TRIM5: variants seen among roughly 807,000 people sequenced by gnomAD.
The protein encoded by TRIM5 is tripartite motif containing 5.
Under a neutral mutation model 35.6 loss-of-function variants are expected in TRIM5, and 31 were observed. That is an observed-to-expected ratio of 0.87 (90% CI 0.65 to 1.18). The LOEUF is 1.18. TRIM5 is among the 50% of genes most tolerant of loss of function. TRIM5 has a pLI of 0.00. For synonymous variants in TRIM5, 243 were observed against 215.6 expected (o/e 1.13, Z -1.11); for missense variants, 609 against 591.6 (o/e 1.03, Z -0.31).
the TRIM5 span, among the ~76,000 whole-genome samples, chr11:5,649,332 G>A: frequency 1.3e-5 from 2 of 152,150 alleles, no homozygotes; most frequent in Non-Finnish European, 2.9e-5. Context: ...ATTTCTACCT[G>A]ATGGAGTGAC....
chr11:5,643,230 C>G, the TRIM5 span: 1 of 1,613,060 alleles, frequency 6.2e-7, no homozygotes, highest in Non-Finnish European at 8.5e-7. Flanking sequence ...GCCAATTTGG[C>G]CTTTTCAGTG....
the TRIM5 span, among the ~76,000 whole-genome samples, chr11:5,634,369 A>G: frequency 6.6e-6 from 1 of 151,956 alleles, no homozygotes; most frequent in African/African-American, 2.4e-5. Context: ...AAAGGAAAAT[A>G]GTAGGAAAAA....
chr11:5,597,812 C>T, the TRIM5 span, among the ~76,000 whole-genome samples: 1 of 152,152 alleles, frequency 6.6e-6, no homozygotes, highest in Non-Finnish European at 1.5e-5. Flanking sequence ...TGTCCCCCTC[C>T]CTCTTCTAGC....
At chr11:5,661,949 T>C (rs748894079), downstream of TRIM5, among the ~76,000 whole-genome samples, 4 of 152,170 alleles carry the variant, frequency 2.6e-5, no homozygotes, top group Admixed American at 6.5e-5. Flanking sequence ...TTCCAGGAAA[T>C]GAAAAGGCAT....
At chr11:5,625,470 G>A in the TRIM5 span, among the ~76,000 whole-genome samples, 3 of 152,154 alleles carry the variant, frequency 2.0e-5, no homozygotes, top group South Asian at 2.1e-4. Context: ...TTGGTGAAAG[G>A]AGGTCTCTGT....
At chr11:5,652,359 G>A in the TRIM5 span, among the ~76,000 whole-genome samples, 3 of 152,124 alleles carry the variant, frequency 2.0e-5, no homozygotes, top group Non-Finnish European at 2.9e-5. Flanking sequence ...ATAAGGAAGG[G>A]GTCCAGTTTC....
At chr11:5,610,998 T>G in the TRIM5 span, 1 of 1,614,024 alleles carries the variant, frequency 6.2e-7, no homozygotes, top group African/African-American at 1.3e-5. Flanking sequence ...ATGCAGCAAT[T>G]CACTGGGACC....
At chr11:5,672,522 A>G (rs1851654653) in intron 4 of TRIM5, among the ~76,000 whole-genome samples, 1 of 152,134 alleles carries the variant, frequency 6.6e-6, no homozygotes, top group Non-Finnish European at 1.5e-5. Context: ...CTTCCCATAA[A>G]TATTTCTTCC....
intron 4 of TRIM5, among the ~76,000 whole-genome samples, chr11:5,674,324 C>T (rs1013632208): frequency 6.6e-6 from 1 of 152,174 alleles, no homozygotes; most frequent in Non-Finnish European, 1.5e-5. Flanking sequence ...TAAAACACCT[C>T]ACCAGAACTA....
chr11:5,589,459 G>A, the TRIM5 span: 1 of 151,994 alleles, frequency 6.6e-6, no homozygotes, highest in African/African-American at 2.4e-5. Flanking sequence ...TCATCTCTTT[G>A]TAAATTCATT....
chr11:5,655,979 C>T, the TRIM5 span, among the ~76,000 whole-genome samples: 1 of 152,168 alleles, frequency 6.6e-6, no homozygotes, highest in Non-Finnish European at 1.5e-5. Context: ...GGACCCCTTC[C>T]TTACACCTTA....
chr11:5,603,013 A>G, the TRIM5 span, among the ~76,000 whole-genome samples: 2 of 152,136 alleles, frequency 1.3e-5, no homozygotes, highest in African/African-American at 4.8e-5. Context: ...CCTCCTTTCC[A>G]GGGCCTCAGT....
the TRIM5 span, chr11:5,642,833 G>A: frequency 6.2e-7 from 1 of 1,613,926 alleles, no homozygotes; most frequent in Admixed American, 1.7e-5. Context: ...CAGCTGTCCG[G>A]TGCTACTGGG....
the TRIM5 span, among the ~76,000 whole-genome samples, chr11:5,599,115 CTTG>C: frequency 2.0e-5 from 3 of 152,196 alleles, no homozygotes; most frequent in African/African-American, 7.2e-5. Context: ...TGAGATTTAT[CTTG>C]TTGTATATAT....
chr11:5,639,238 A>C, the TRIM5 span, among the ~76,000 whole-genome samples: 1 of 152,148 alleles, frequency 6.6e-6, no homozygotes, highest in Non-Finnish European at 1.5e-5. Context: ...GCATTCATCA[A>C]AATTATAGTA....
Position 5,664,512 on chromosome 11 carries a change from G to A in TRIM5, c.*297C>T, listed in dbSNP as rs1022308168. Reference sequence around the variant, plus strand: ...TAGTCAGTGTCAGAGGCAATTGGGTGATAAATATCTGGCAGAAGTAATACC... The same window carrying A: ...TAGTCAGTGTCAGAGGCAATTGGGTAATAAATATCTGGCAGAAGTAATACC... On this transcript the variant is annotated 3_prime_UTR_variant, in exon 8 of 8. Coordinates refer to ENST00000380034, the MANE Select transcript of TRIM5 (RefSeq NM_033034.3). 1.4e-5 allele frequency: 15 copies of A among 1,093,110 alleles called. No individual in the cohort carries two copies. Among genetic ancestry groups the A allele is most frequent in the East Asian group, 5.7e-5 (1 of 17,452 alleles). 67.7% of individuals were successfully genotyped at this position (1,093,110 alleles called of 1,614,324 possible).
chr11:5,636,139 G>A, the TRIM5 span, among the ~76,000 whole-genome samples: 3 of 152,190 alleles, frequency 2.0e-5, no homozygotes, highest in African/African-American at 7.2e-5. Context: ...TCCTTAAACT[G>A]ATGATTGGAT....
chr11:5,632,260 C>T, the TRIM5 span: 7 of 1,603,722 alleles, frequency 4.4e-6, no homozygotes, highest in Non-Finnish European at 6.0e-6. Flanking sequence ...CTCAGCCATC[C>T]AGGGGTCTTT....
chr11:5,594,034 A>G, the TRIM5 span, among the ~76,000 whole-genome samples: 3 of 152,208 alleles, frequency 2.0e-5, no homozygotes, highest in African/African-American at 4.8e-5. Context: ...TAAAACTGCT[A>G]TGGACATTTG....
Sources: gnomAD v4.1 joint callset for allele counts (sites outside exome capture counted in the v4.1 genomes callset) on GRCh38, gnomAD v4.1.1 for gene constraint, MANE v1.5 for transcripts, NCBI Gene and HGNC (gene_info 2026-07-23, HGNC 2026-07-21) for gene names.